ADK: variants seen among roughly 807,000 people sequenced by gnomAD.
ADK encodes N6,N6-dimethyladenosine kinase.
ADK carries 24 observed loss-of-function variants against 44.7 expected under a neutral mutation model. The observed-to-expected ratio is 0.54, with a 90% CI of 0.39 to 0.76. The LOEUF (loss-of-function observed/expected upper bound fraction) is 0.76. Among genes scored for constraint, ADK ranks in the 30% least tolerant of loss-of-function variants. The pLI is 0.00. For missense variants in ADK, 321 were observed against 425.1 expected (o/e 0.76, Z 2.15); for synonymous variants, 128 against 142.6 (o/e 0.90, Z 0.73).
At chr10:74,349,471 T>A (rs1841884648) in intron 4 of ADK, among the ~76,000 whole-genome samples, 1 of 152,132 alleles carries the variant, frequency 6.6e-6, no homozygotes, top group South Asian at 2.1e-4. Context: ...CACCAAAATA[T>A]AAAGACCAAT....
At chr10:74,424,057 G>T in intron 6 of ADK, 1 of 154,176 alleles carries the variant, frequency 6.5e-6, no homozygotes, top group South Asian at 1.8e-4. Context: ...ATGGGGACGG[G>T]AGCCATTGCT....
At chr10:74,301,939 A>G (rs928959813) in intron 3 of ADK, among the ~76,000 whole-genome samples, 1 of 152,068 alleles carries the variant, frequency 6.6e-6, no homozygotes, top group African/African-American at 2.4e-5. Context: ...GTGTTACAAA[A>G]GAGATTCACC....
intron 9 of ADK, among the ~76,000 whole-genome samples, chr10:74,609,706 C>A (rs535649441): frequency 6.6e-6 from 1 of 152,230 alleles, no homozygotes; most frequent in South Asian, 2.1e-4. Flanking sequence ...GCCACCCAAA[C>A]CTATTTTTAA....
At chr10:74,420,528 A>T (rs1430738216) in intron 6 of ADK, among the ~76,000 whole-genome samples, 1 of 152,180 alleles carries the variant, frequency 6.6e-6, no homozygotes, top group Non-Finnish European at 1.5e-5. Flanking sequence ...ACAATTAAAA[A>T]TTCAAAATAT....
chr10:74,416,287 A>G (rs888081148), intron 6 of ADK, among the ~76,000 whole-genome samples: 4 of 151,948 alleles, frequency 2.6e-5, no homozygotes, highest in Non-Finnish European at 4.4e-5. Context: ...TCAGACCAAT[A>G]TTGGTTTCTC....
intron 3 of ADK, among the ~76,000 whole-genome samples, chr10:74,225,109 G>C (rs1490064544): frequency 6.6e-6 from 1 of 152,110 alleles, no homozygotes; most frequent in Non-Finnish European, 1.5e-5. Context: ...TTTTGAAACA[G>C]AGTCTTGTTC....
chr10:74,664,738 G>C (rs949295886), intron 9 of ADK, among the ~76,000 whole-genome samples: 6 of 152,128 alleles, frequency 3.9e-5, no homozygotes, highest in Non-Finnish European at 8.8e-5. Flanking sequence ...AGCTACTCAG[G>C]AGGCTGAGGA....
chr10:74,575,136 T>C (rs1190570428), intron 7 of ADK, among the ~76,000 whole-genome samples: 1 of 152,244 alleles, frequency 6.6e-6, no homozygotes, highest in East Asian at 1.9e-4. Flanking sequence ...TGCAGATTTA[T>C]TTGAGGGCTT....
intron 7 of ADK, among the ~76,000 whole-genome samples, chr10:74,535,816 C>T (rs964004371): frequency 1.3e-5 from 2 of 152,008 alleles, no homozygotes; most frequent in Non-Finnish European, 2.9e-5. Flanking sequence ...CTCCTGGCCT[C>T]AAGTGATTTT....
chr10:74,377,548 A>G (rs1169571297), intron 4 of ADK, among the ~76,000 whole-genome samples: 1 of 152,140 alleles, frequency 6.6e-6, no homozygotes, highest in African/African-American at 2.4e-5. Context: ...GAAACTTAGG[A>G]CTCAAAGGTG....
chr10:74,679,191 C>T (rs558168072), intron 10 of ADK, among the ~76,000 whole-genome samples: 5 of 152,324 alleles, frequency 3.3e-5, no homozygotes, highest in African/African-American at 1.2e-4. Context: ...TCTTAGCTTC[C>T]TCTCTAAAGG....
intron 6 of ADK, among the ~76,000 whole-genome samples, chr10:74,485,241 C>T (rs1297735338): frequency 1.3e-5 from 2 of 151,822 alleles, no homozygotes; most frequent in Non-Finnish European, 2.9e-5. Flanking sequence ...GGAAATTTAC[C>T]TTAGAAGAAA....
At chr10:74,187,551 G>C (rs1842803597) in intron 1 of ADK, among the ~76,000 whole-genome samples, 1 of 151,794 alleles carries the variant, frequency 6.6e-6, no homozygotes, top group South Asian at 2.1e-4. Flanking sequence ...ATTTTCTCCT[G>C]GTCTGAGCTA....
chr10:74,254,448 G>A lies in ADK; in HGVS notation c.194+29857G>A, dbSNP rs190110619. 1.3e-4 allele frequency among the ~76,000 whole-genome samples: 20 copies of A among 151,766 alleles called. No individual in the cohort carries two copies. The East Asian group carries it at 2.7e-3, about 21-fold the overall frequency. ...TAATATTTACCTTTCAGGTTCGGTT[G>A]CTGGATCTAGATATGCCTCTTTTTT... is the stretch of plus-strand genomic sequence containing the variant. On this transcript the variant is annotated intron_variant, in intron 3 of 10. Coordinates refer to ENST00000539909, the MANE Select transcript of ADK (RefSeq NM_006721.4).
chr10:74,625,161 ATAT>A (rs1245568719), intron 9 of ADK, among the ~76,000 whole-genome samples: 10 of 152,174 alleles, frequency 6.6e-5, no homozygotes, highest in Admixed American at 6.5e-4. Context: ...GTGAAAAATG[ATAT>A]TATTTTCATG....
At chr10:74,246,122 G>A (rs553843430) in intron 3 of ADK, among the ~76,000 whole-genome samples, 4 of 152,012 alleles carry the variant, frequency 2.6e-5, no homozygotes, top group South Asian at 2.1e-4. Context: ...TTGTGGGAGG[G>A]GGGGGTCAGG....
intron 6 of ADK, among the ~76,000 whole-genome samples, chr10:74,427,487 C>T (rs1011920870): frequency 2.0e-4 from 31 of 152,198 alleles, no homozygotes; most frequent in African/African-American, 6.7e-4. Context: ...TGTGAGCCAC[C>T]GTGCCCGGCC....
intron 3 of ADK, among the ~76,000 whole-genome samples, chr10:74,288,013 A>AT (rs1414782086): frequency 6.6e-6 from 1 of 151,712 alleles, no homozygotes; most frequent in Non-Finnish European, 1.5e-5. Flanking sequence ...AGAAAAAAAA[A>AT]TTTTTAAGTA....
At chr10:74,245,783 G>C (rs142646677) in intron 3 of ADK, among the ~76,000 whole-genome samples, 51 of 152,026 alleles carry the variant, frequency 3.4e-4, no homozygotes, top group South Asian at 8.3e-4. Flanking sequence ...TAGAGATGGG[G>C]TTTCACCATA....
Sources: gnomAD v4.1 joint callset for allele counts (sites outside exome capture counted in the v4.1 genomes callset) on GRCh38, gnomAD v4.1.1 for gene constraint, MANE v1.5 for transcripts, NCBI Gene and HGNC (gene_info 2026-07-23, HGNC 2026-07-21) for gene names.